Variants in SOX5 observed in about 807,000 individuals in gnomAD.
SOX5 encodes the protein SRY-box transcription factor 5.
SOX5 carries 9 observed loss-of-function variants against 92.0 expected under a neutral mutation model. That is an observed-to-expected ratio of 0.10 (90% confidence interval 0.06 to 0.17). The LOEUF (loss-of-function observed/expected upper bound fraction) is 0.17, where lower values mean the gene tolerates loss of function less well. SOX5 is among the 10% of genes least tolerant of loss of function. SOX5 has a pLI of 1.00. For synonymous variants in SOX5, 344 were observed against 336.3 expected (o/e 1.02, Z -0.25); for missense variants, 642 against 944.5 (o/e 0.68, Z 4.20).
rs192563607 is a variant in SOX5, at chr12:24,499,655, T to C, written c.-251+62674A>G. On this transcript the variant is annotated intron_variant, in intron 1 of 4. Coordinates refer to the SOX5 transcript ENST00000446891. ...GCAAGGAAGTGACTCAGGCAAAGCC[T>C]AGCATTGGAAAGATGAAAGGCTGAT... 1.1e-3 allele frequency among the ~76,000 whole-genome samples: 170 copies of C among 152,154 alleles called. 2 individuals are homozygous for C. The highest frequency in any genetic ancestry group is 3.9e-3 in the African/African-American group (160 of 41,504).
intron 2 of SOX5, among the ~76,000 whole-genome samples, chr12:24,303,807 T>G (rs1367823557): frequency 1.3e-5 from 2 of 151,890 alleles, no homozygotes; most frequent in East Asian, 3.9e-4. Flanking sequence ...TGCCAGGAGG[T>G]GAGGATCAAA....
chr12:23,853,970 C>T (rs917846163), intron 2 of SOX5, among the ~76,000 whole-genome samples: 4 of 152,086 alleles, frequency 2.6e-5, no homozygotes, highest in African/African-American at 9.7e-5. Context: ...TTGTAACTAG[C>T]CACTGATTAG....
At chr12:24,149,096 G>A (rs1386841977) in intron 4 of SOX5, among the ~76,000 whole-genome samples, 1 of 152,000 alleles carries the variant, frequency 6.6e-6, no homozygotes, top group African/African-American at 2.4e-5. Flanking sequence ...ATGGATCACA[G>A]ACCTAAATAT....
intron 3 of SOX5, among the ~76,000 whole-genome samples, chr12:23,838,375 T>C (rs1425129373): frequency 6.6e-6 from 1 of 151,618 alleles, no homozygotes; most frequent in African/African-American, 2.4e-5. Flanking sequence ...TTGCAGTTAT[T>C]AAATAAACGT....
At chr12:23,939,238 A>T (rs1446080321) in intron 1 of SOX5, among the ~76,000 whole-genome samples, 1 of 151,180 alleles carries the variant, frequency 6.6e-6, no homozygotes, top group East Asian at 1.9e-4. Context: ...ATGCTGGATT[A>T]TAAAATATAT....
chr12:24,034,259 C>T (rs1470343843), intron 4 of SOX5, among the ~76,000 whole-genome samples: 1 of 151,986 alleles, frequency 6.6e-6, no homozygotes, highest in East Asian at 1.9e-4. Flanking sequence ...TCTCATTTCT[C>T]TAACACAATA....
chr12:23,549,754 A>C (rs1333756872), intron 11 of SOX5, among the ~76,000 whole-genome samples: 2 of 151,958 alleles, frequency 1.3e-5, no homozygotes, highest in Non-Finnish European at 2.9e-5. Flanking sequence ...TCCTTTGCAA[A>C]GATGAGTCTT....
chr12:24,321,010 G>A (rs1031047739), intron 2 of SOX5, among the ~76,000 whole-genome samples: 3 of 152,150 alleles, frequency 2.0e-5, no homozygotes. Context: ...AGCATCTGTA[G>A]GTTGTGAGCT....
chr12:24,307,581 C>G lies in SOX5; in HGVS notation c.-173-30269G>C, dbSNP rs1320049046. 1.6e-4 allele frequency among the ~76,000 whole-genome samples: 8 copies of G among 51,468 alleles called. 3 individuals are homozygous for G. The allele number at this position is 51,468 out of a possible 152,430, so 33.8% of individuals were successfully genotyped here. ...AAAAGGTCAAACATGCACTTGACCT[C>G]TCAAGTCGCCCATTTGGCCCTCTTC... On this transcript the variant is annotated intron_variant, in intron 2 of 4. Coordinates refer to the SOX5 transcript ENST00000446891.
Position 24,506,884 on chromosome 12 carries a change from G to A in SOX5, c.-251+55445C>T, listed in dbSNP as rs1021680963. Among the ~76,000 whole-genome samples the A allele has an allele frequency of 3.6e-5, 5 of 138,820 alleles. No individual in the cohort carries two copies. The South Asian group carries it at 1.2e-3, about 33-fold the overall frequency. 91.1% of individuals were successfully genotyped at this position (138,820 alleles called of 152,430 possible). A position where few individuals can be genotyped will look rare whatever the true frequency, so the allele number is the denominator to read the frequency against. ...CGGCTCACTGTAAGCTCCGCCTCCC[G>A]GGTTCACACCATTCTCCTGCCTCAG... On this transcript the variant is annotated intron_variant, in intron 1 of 4. Transcript: ENST00000446891.
chr12:23,618,967 T>C (rs2076874003), intron 8 of SOX5, among the ~76,000 whole-genome samples: 2 of 152,110 alleles, frequency 1.3e-5, no homozygotes, highest in African/African-American at 4.8e-5. Flanking sequence ...GTGAAAGACT[T>C]CTTGAGTCAG....
Position 23,619,950 on chromosome 12 carries a change from C to A in SOX5, c.1018-15417G>T, listed in dbSNP as rs187476464. ...TAGGTCTTTAGCTCCATAGAGCTTA[C>A]ATAGAACAAGAAAGCCATCAATGAA... On this transcript the variant is annotated intron_variant, in intron 8 of 14. Coordinates refer to ENST00000451604, the MANE Select transcript of SOX5 (RefSeq NM_006940.6). Among the ~76,000 whole-genome samples the A allele has an allele frequency of 2.1e-3, 315 of 152,092 alleles. 1 individual carries two copies. The highest frequency in any genetic ancestry group is 7.1e-3 in the African/African-American group (294 of 41,488).
intron 2 of SOX5, among the ~76,000 whole-genome samples, chr12:24,343,220 G>A (rs1378694565): frequency 6.6e-6 from 1 of 152,114 alleles, no homozygotes; most frequent in Non-Finnish European, 1.5e-5. Context: ...CACTCTCTGT[G>A]ACAGGTCTGC....
At chr12:24,403,684 CTACTT>C (rs1360867949) in intron 1 of SOX5, among the ~76,000 whole-genome samples, 2 of 152,330 alleles carry the variant, frequency 1.3e-5, no homozygotes, top group Non-Finnish European at 2.9e-5. Context: ...GGCCAACAGT[CTACTT>C]TACTTAAAAT....
chr12:23,919,735 C>A (rs1298098213), intron 1 of SOX5, among the ~76,000 whole-genome samples: 1 of 152,176 alleles, frequency 6.6e-6, no homozygotes, highest in Non-Finnish European at 1.5e-5. Context: ...CAGGATTCGA[C>A]CCTGAGCCTT....
rs148763869 is a variant in SOX5, at chr12:23,612,356, T to A, written c.1018-7823A>T. On this transcript the variant is annotated intron_variant, in intron 8 of 14. Transcript: ENST00000451604. ...AATGTGACCAATGAGATTGTTTAGT[T>A]CACCCCAAGAGTTTAAGTAGGCATA... Among the ~76,000 whole-genome samples, 3 of 152,226 alleles carry A rather than the reference T, an allele frequency of 2.0e-5. No individual in the cohort carries two copies. The East Asian group carries it at 5.8e-4, about 29-fold the overall frequency.
At chr12:23,597,468 T>A (rs1745057857) in intron 9 of SOX5, among the ~76,000 whole-genome samples, 1 of 152,148 alleles carries the variant, frequency 6.6e-6, no homozygotes, top group African/African-American at 2.4e-5. Context: ...ATCAACTGAA[T>A]AAAGATGAAA....
chr12:24,409,772 G>A (rs563231964), intron 1 of SOX5, among the ~76,000 whole-genome samples: 22 of 152,146 alleles, frequency 1.4e-4, no homozygotes, highest in Non-Finnish European at 2.4e-4. Context: ...ATCTTTTTAC[G>A]TGCTTAGCTG....
chr12:24,031,116 T>A (rs1332297271), intron 4 of SOX5, among the ~76,000 whole-genome samples: 5 of 151,742 alleles, frequency 3.3e-5, no homozygotes, highest in Non-Finnish European at 7.4e-5. Context: ...GGAACAGCCA[T>A]TATGGAAAAC....
Sources: allele counts gnomAD v4.1 joint callset (sites outside exome capture counted in the v4.1 genomes callset), GRCh38; gene constraint gnomAD v4.1.1; transcripts MANE v1.5; gene names NCBI Gene and HGNC (gene_info 2026-07-23, HGNC 2026-07-21).